SLC25A40: variants seen among roughly 807,000 people sequenced by gnomAD.
The protein encoded by SLC25A40 is mitochondrial glutathione transporter SLC25A40.
A neutral mutation model predicts 46.5 loss-of-function variants in SLC25A40; 41 were observed. The observed-to-expected ratio is 0.88, with a 90% CI of 0.69 to 1.14. The LOEUF (loss-of-function observed/expected upper bound fraction) is 1.14. Among genes scored for constraint, SLC25A40 ranks in the 50% most tolerant of loss-of-function variants. The pLI is 0.00. For synonymous variants in SLC25A40, 126 were observed against 127.5 expected, an observed-to-expected ratio of 0.99 and a Z score of 0.08; for missense variants, 386 against 393.6, an observed-to-expected ratio of 0.98 and a Z score of 0.16.
rs568285963 is a variant in SLC25A40 at position 87,876,273 on chromosome 7, C to G, written c.-271G>C. 3.8e-3 allele frequency: 596 copies of G among 157,254 alleles called. 2 individuals are homozygous for G. Among genetic ancestry groups the G allele is most frequent in the Admixed American group, 0.012 (183 of 15,358 alleles). 9.7% of individuals were successfully genotyped at this position (157,254 alleles called of 1,614,324 possible). The stretch of plus-strand genomic sequence containing the variant: ...GACCTGAAGCGGCGGACCGAGAGCC[C>G]GGGTCTGAGACTGAGAGAGCAACGG... On this transcript the variant is annotated 5_prime_UTR_variant, in exon 1 of 12. Coordinates refer to ENST00000341119, the MANE Select transcript of SLC25A40 (RefSeq NM_018843.4).
intron 1 of SLC25A40, among the ~76,000 whole-genome samples, chr7:87,862,378 T>C (rs1041919863): frequency 6.6e-6 from 1 of 152,212 alleles, no homozygotes; most frequent in African/African-American, 2.4e-5. Context: ...TGTATGCTAC[T>C]GAAGTAACCA....
Position 87,858,883 on chromosome 7 carries a change from G to C in SLC25A40, c.-24-132C>G. On this transcript the variant is annotated intron_variant, in intron 2 of 11. Transcript: ENST00000341119. ...AGAGAGAATTAACCAAACAGATACT[G>C]ACAGAATGAAAGCAGGTGACCACTA... The C allele has an allele frequency of 1.5e-5, 9 of 611,068 alleles. 1 individual carries two copies. In the South Asian group the frequency reaches 1.8e-4, roughly 12 times the overall value. 37.9% of individuals were successfully genotyped at this position (611,068 alleles called of 1,614,324 possible). A position where few individuals can be genotyped will look rare whatever the true frequency, so the allele number is the denominator to read the frequency against.
intron 1 of SLC25A40, among the ~76,000 whole-genome samples, chr7:87,869,412 C>A (rs1022221961): frequency 6.6e-6 from 1 of 151,918 alleles, no homozygotes; most frequent in Non-Finnish European, 1.5e-5. Flanking sequence ...CCTCTAGTCC[C>A]AGCTACATGG....
intron 8 of SLC25A40, among the ~76,000 whole-genome samples, chr7:87,844,367 T>C (rs1046648433): frequency 1.3e-5 from 2 of 152,094 alleles, no homozygotes; most frequent in Non-Finnish European, 2.9e-5. Flanking sequence ...GCAACACTCC[T>C]TCATTTAAAA....
At chr7:87,840,231 G>A (rs1226655210) in intron 10 of SLC25A40, among the ~76,000 whole-genome samples, 1 of 151,518 alleles carries the variant, frequency 6.6e-6, no homozygotes, top group African/African-American at 2.4e-5. Context: ...AAGAAAGATG[G>A]CTCCCTGGTG....
chr7:87,857,989 G>A (rs117153423), intron 3 of SLC25A40, among the ~76,000 whole-genome samples: 1,650 of 152,240 alleles, frequency 0.011, 14 homozygotes, highest in South Asian at 0.019. Context: ...ATGCATTCCT[G>A]GTGGGAGGTC....
chr7:87,865,906 AC>A (rs1020580827), intron 1 of SLC25A40, among the ~76,000 whole-genome samples: 6 of 151,878 alleles, frequency 4.0e-5, no homozygotes, highest in African/African-American at 1.5e-4. Flanking sequence ...ACATGGTGAA[AC>A]CCCATCTCTA....
At chr7:87,875,051 T>C (rs1838964890) in intron 1 of SLC25A40, among the ~76,000 whole-genome samples, 1 of 152,204 alleles carries the variant, frequency 6.6e-6, no homozygotes, top group South Asian at 2.1e-4. Flanking sequence ...CCCATAGAAA[T>C]TACAATATTG....
At chr7:87,871,682 C>T (rs1259076269) in intron 1 of SLC25A40, among the ~76,000 whole-genome samples, 1 of 152,010 alleles carries the variant, frequency 6.6e-6, no homozygotes, top group East Asian at 1.9e-4. Flanking sequence ...ATGTTTTATC[C>T]TTTGTATATA....
At chr7:87,864,778 T>C (rs1838762330) in intron 1 of SLC25A40, among the ~76,000 whole-genome samples, 2 of 152,224 alleles carry the variant, frequency 1.3e-5, no homozygotes, top group South Asian at 4.1e-4. Context: ...ATTCTGTGTC[T>C]TTAAGCTGAG....
chr7:87,859,113 T>C (rs1457263477), intron 2 of SLC25A40, among the ~76,000 whole-genome samples: 1 of 152,106 alleles, frequency 6.6e-6, no homozygotes, highest in African/African-American at 2.4e-5. Flanking sequence ...TTTTAAAAAG[T>C]CAGATAATAC....
intron 4 of SLC25A40, among the ~76,000 whole-genome samples, chr7:87,854,689 G>A (rs1838576654): frequency 6.6e-6 from 1 of 151,762 alleles, no homozygotes; most frequent in Non-Finnish European, 1.5e-5. Flanking sequence ...GCGGGCGCCT[G>A]TAGTCCCAGC....
intron 10 of SLC25A40, among the ~76,000 whole-genome samples, chr7:87,840,193 C>G (rs1004354549): frequency 6.6e-6 from 1 of 151,530 alleles, no homozygotes; most frequent in Admixed American, 6.6e-5. Flanking sequence ...TAGAAAAAAC[C>G]AGTGATAGGT....
intron 9 of SLC25A40, among the ~76,000 whole-genome samples, chr7:87,843,158 G>C (rs1433188436): frequency 6.6e-6 from 1 of 151,858 alleles, no homozygotes; most frequent in Non-Finnish European, 1.5e-5. Flanking sequence ...GGAAGTATGT[G>C]GGTATAAAAA....
At chr7:87,847,746 T>C in intron 7 of SLC25A40, 107 bp downstream of exon 7, 1 of 1,096,814 alleles carries the variant, frequency 9.1e-7, no homozygotes, top group Non-Finnish European at 1.2e-6. Context: ...TAATGCAAAA[T>C]ATATCATACT....
chr7:87,864,927 TTTTC>T (rs1473886419), intron 1 of SLC25A40, among the ~76,000 whole-genome samples: 1 of 152,062 alleles, frequency 6.6e-6, no homozygotes, highest in African/African-American at 2.4e-5. Context: ...GGCTAAGTGA[TTTTC>T]TTTGTTAGCA....
chr7:87,871,898 G>A (rs916420385), intron 1 of SLC25A40, among the ~76,000 whole-genome samples: 37 of 152,150 alleles, frequency 2.4e-4, no homozygotes, highest in African/African-American at 8.2e-4. Context: ...AGCTTTGACA[G>A]TTAGTGTACT....
rs1234361496 is a variant in SLC25A40 at position 87,834,337 on chromosome 7, A to AAAT, written c.*1909_*1911dup. ...ATTTTTCTAGGTACTATTTTAATAC[A>AAAT]AATTATTATTATAGCAAAATTCTGA... On this transcript the variant is annotated 3_prime_UTR_variant, in exon 12 of 12. Coordinates refer to ENST00000341119, the MANE Select transcript of SLC25A40 (RefSeq NM_018843.4). 6.6e-6 allele frequency: 1 copy of AAAT among 151,756 alleles called. No homozygotes were observed. Among genetic ancestry groups the AAAT allele is most frequent in the African/African-American group, 2.4e-5 (1 of 41,400 alleles). The allele number at this position is 151,756 out of a possible 1,614,324, so 9.4% of individuals were successfully genotyped here.
At chr7:87,875,765 G>A (rs1208069954) in intron 1 of SLC25A40, among the ~76,000 whole-genome samples, 1 of 152,168 alleles carries the variant, frequency 6.6e-6, no homozygotes, top group Non-Finnish European at 1.5e-5. Flanking sequence ...AACTACCCAA[G>A]GACACAAAGT....
Sources: allele counts gnomAD v4.1 joint callset (sites outside exome capture counted in the v4.1 genomes callset), GRCh38; gene constraint gnomAD v4.1.1; transcripts MANE v1.5; gene names NCBI Gene and HGNC (gene_info 2026-07-23, HGNC 2026-07-21).